The following TGIF1 variants were observed in gnomAD, a reference collection of about 807,000 sequenced individuals.
The protein encoded by TGIF1 is TGFB induced factor homeobox 1, also known as homeobox protein TGIF1.
Under a neutral mutation model 19.3 loss-of-function variants are expected in TGIF1, and 4 were observed. That is an observed-to-expected ratio of 0.21 (90% CI 0.10 to 0.47). TGIF1 has a LOEUF of 0.47. Ranked by LOEUF, TGIF1 falls within the 20% of genes least tolerant of loss-of-function variation. TGIF1 has a pLI of 0.98. For missense variants in TGIF1, 275 were observed against 341.4 expected, an observed-to-expected ratio of 0.81 and a Z score of 1.53; for synonymous variants, 122 against 129.3, an observed-to-expected ratio of 0.94 and a Z score of 0.38.
chr18:3,421,829 C>T (rs1839056762), intron 2 of TGIF1, among the ~76,000 whole-genome samples: 1 of 152,052 alleles, frequency 6.6e-6, no homozygotes, highest in South Asian at 2.1e-4. Flanking sequence ...GCATTGTTAC[C>T]ATGGAAGCTG....
At chr18:3,416,867 G>A (rs896333302) in intron 1 of TGIF1, among the ~76,000 whole-genome samples, 3 of 151,886 alleles carry the variant, frequency 2.0e-5, no homozygotes, top group South Asian at 2.1e-4. Flanking sequence ...GGAAGCGGAC[G>A]CTACAGTGAG....
intron 2 of TGIF1, among the ~76,000 whole-genome samples, chr18:3,431,276 G>A (rs1043544174): frequency 5.3e-5 from 8 of 152,120 alleles, no homozygotes; most frequent in Non-Finnish European, 7.4e-5. Context: ...GTGAAACTCC[G>A]TCTCTAGTAA....
intron 1 of TGIF1, among the ~76,000 whole-genome samples, chr18:3,452,849 C>T (rs960233140): frequency 7.9e-5 from 12 of 152,092 alleles, no homozygotes; most frequent in African/African-American, 2.9e-4. Flanking sequence ...ATTCCTGAGC[C>T]CGGGGTAAGC....
At position 3,459,897 on chromosome 18, in the gene TGIF1, G is replaced by A. The variant is rs1263642559; in HGVS notation, c.*1957G>A. The A allele has an allele frequency of 2.0e-5, 3 of 152,078 alleles. No homozygotes were observed. Among genetic ancestry groups the A allele is most frequent in the Admixed American group, 6.6e-5 (1 of 15,264 alleles). The allele number at this position is 152,078 out of a possible 1,614,324, so 9.4% of individuals were successfully genotyped here. On this transcript the variant is annotated 3_prime_UTR_variant, in exon 3 of 3. Coordinates refer to ENST00000343820, the MANE Select transcript of TGIF1 (RefSeq NM_003244.4). The stretch of plus-strand genomic sequence containing the variant: ...AGTGAAAAGATAAATGTAAAAAGCT[G>A]TTCATATCAAAGCCAAATAGAAATG...
chr18:3,412,486 G>A (rs1396006119), intron 1 of TGIF1, among the ~76,000 whole-genome samples: 1 of 152,212 alleles, frequency 6.6e-6, no homozygotes, highest in Non-Finnish European at 1.5e-5. Context: ...CCTTTCCCCT[G>A]CTACCTGGGA....
chr18:3,424,193 T>A (rs1017613240), intron 2 of TGIF1, among the ~76,000 whole-genome samples: 5 of 152,226 alleles, frequency 3.3e-5, no homozygotes, highest in Non-Finnish European at 5.9e-5. Context: ...ATTATGATTA[T>A]TTTATTATAA....
chr18:3,415,165 C>T (rs2082315662), intron 1 of TGIF1: 3 of 152,400 alleles, frequency 2.0e-5, no homozygotes, highest in South Asian at 1.3e-4. Flanking sequence ...CTCTGCCTTC[C>T]GGCGACCCGG....
At chr18:3,422,296 TAA>T (rs34822467) in intron 2 of TGIF1, among the ~76,000 whole-genome samples, 2,617 of 80,420 alleles carry the variant, frequency 0.033, 79 homozygotes, top group African/African-American at 0.088. Flanking sequence ...GTTTAAAAAG[TAA>T]AAAAAAAAAA....
intron 2 of TGIF1, among the ~76,000 whole-genome samples, chr18:3,429,099 C>T (rs2082513775): frequency 6.6e-6 from 1 of 152,108 alleles, no homozygotes; most frequent in Non-Finnish European, 1.5e-5. Context: ...CTCTGTTGCC[C>T]AGTGTAGAGT....
chr18:3,446,029 A>C (rs2082741130), upstream of TGIF1, among the ~76,000 whole-genome samples: 1 of 152,118 alleles, frequency 6.6e-6, no homozygotes, highest in South Asian at 2.1e-4. Flanking sequence ...TGGATGTGTT[A>C]AGTGATCTTG....
At chr18:3,448,726 T>G (rs1381881852), upstream of TGIF1, 10 of 681,404 alleles carry the variant, frequency 1.5e-5, no homozygotes, top group Non-Finnish European at 1.8e-5. Context: ...TCTTTTTTTT[T>G]TTTTTTTTTT....
chr18:3,423,427 C>T lies in TGIF1; in HGVS notation c.-45+5212C>T, dbSNP rs181374546. Among the ~76,000 whole-genome samples, 17 of 152,130 alleles carry T rather than the reference C, an allele frequency of 1.1e-4. No individual in the cohort carries two copies. In the East Asian group the frequency reaches 2.5e-3, roughly 23 times the overall value. On this transcript the variant is annotated intron_variant, in intron 2 of 3. Coordinates refer to the TGIF1 transcript ENST00000401449. ...GAGCGCAGTGGCTCACGCTTGTAATCCCAGCACTTTGGGAGGCCAGGGCGG... is the reference window on the plus strand; with the variant it reads ...GAGCGCAGTGGCTCACGCTTGTAATTCCAGCACTTTGGGAGGCCAGGGCGG...
At chr18:3,424,247 GT>G (rs35177717) in intron 2 of TGIF1, among the ~76,000 whole-genome samples, 12,774 of 150,080 alleles carry the variant, frequency 0.085, 560 homozygotes, top group African/African-American at 0.11. Context: ...TTTTTTTGTT[GT>G]TTTTTTTTAA....
chr18:3,416,014 G>A (rs1568025650), intron 1 of TGIF1, among the ~76,000 whole-genome samples: 1 of 152,174 alleles, frequency 6.6e-6, no homozygotes, highest in African/African-American at 2.4e-5. Flanking sequence ...ACAATATAAA[G>A]GGTGGCTGGG....
At chr18:3,452,715 G>T (rs185996172) in intron 1 of TGIF1, among the ~76,000 whole-genome samples, 30 of 152,244 alleles carry the variant, frequency 2.0e-4, no homozygotes, top group Admixed American at 3.3e-4. Context: ...TACCTGGGAG[G>T]GGGGAGCCTT....
chr18:3,421,715 C>T (rs972321195), intron 2 of TGIF1, among the ~76,000 whole-genome samples: 1 of 150,884 alleles, frequency 6.6e-6, no homozygotes, highest in Non-Finnish European at 1.5e-5. Flanking sequence ...CCCATCTATA[C>T]TATATTTTTA....
intron 2 of TGIF1, chr18:3,418,297 G>A (rs1212278204): frequency 6.6e-6 from 1 of 152,186 alleles, no homozygotes; most frequent in African/African-American, 2.4e-5. Flanking sequence ...ACCTAGTCAT[G>A]TGACCACATC....
Position 3,456,173 on chromosome 18 carries a change from T to A in TGIF1, c.17-181T>A. On this transcript the variant is annotated intron_variant, in intron 1 of 2. Transcript: ENST00000343820. The surrounding 1 kb of genome is among the most constrained non-coding windows in gnomAD (Gnocchi z 4.2). ...CTGGCATTTGGTTGAGAGCCTCCTA[T>A]GTGGTGCTAGTCAAACTACTTTTAC... 1.4e-6 allele frequency: 1 copy of A among 724,374 alleles called. No homozygotes were observed. The highest frequency in any genetic ancestry group is 2.5e-6 in the Non-Finnish European group (1 of 400,756). The allele number at this position is 724,374 out of a possible 1,614,324, so 44.9% of individuals were successfully genotyped here. A position where few individuals can be genotyped will look rare whatever the true frequency, so the allele number is the denominator to read the frequency against.
upstream of TGIF1, chr18:3,447,658 G>T (rs2082766711): frequency 2.6e-6 from 4 of 1,528,176 alleles, no homozygotes; most frequent in African/African-American, 1.4e-5. Flanking sequence ...GGAGCGGTTG[G>T]GCTGTAAGCT....
Sources: allele counts gnomAD v4.1 joint callset (sites outside exome capture counted in the v4.1 genomes callset), GRCh38; gene constraint gnomAD v4.1.1; non-coding constraint Gnocchi (gnomAD v3.1); transcripts MANE v1.5; gene names NCBI Gene and HGNC (gene_info 2026-07-23, HGNC 2026-07-21).